Variants in ZCWPW2 observed in about 807,000 individuals in gnomAD.
ZCWPW2 encodes zinc finger CW-type PWWP domain protein 2.
Under a neutral mutation model 46.6 loss-of-function variants are expected in ZCWPW2, and 45 were observed. That is an observed-to-expected ratio of 0.96 (90% CI 0.76 to 1.24). ZCWPW2 has a LOEUF of 1.24. Ranked by LOEUF, ZCWPW2 falls within the 50% of genes most tolerant of loss-of-function variation. ZCWPW2 has a pLI of 0.00. For synonymous variants in ZCWPW2, 152 were observed against 137.1 expected, an observed-to-expected ratio of 1.11 and a Z score of -0.76; for missense variants, 429 against 403.9, an observed-to-expected ratio of 1.06 and a Z score of -0.53.
At chr3:28,488,325 C>A (rs1265570519) in intron 5 of ZCWPW2, among the ~76,000 whole-genome samples, 2 of 152,152 alleles carry the variant, frequency 1.3e-5, no homozygotes, top group African/African-American at 2.4e-5. Context: ...CCTGTGACCC[C>A]ACTTCTCCAA....
At chr3:28,397,653 G>GA (rs1695758413) in intron 2 of ZCWPW2, among the ~76,000 whole-genome samples, 1 of 152,112 alleles carries the variant, frequency 6.6e-6, no homozygotes, top group African/African-American at 2.4e-5. Flanking sequence ...CTGGGTGACA[G>GA]AATGAGACTT....
At chr3:28,402,615 G>T (rs1004721161) in intron 2 of ZCWPW2, among the ~76,000 whole-genome samples, 5 of 152,088 alleles carry the variant, frequency 3.3e-5, no homozygotes, top group African/African-American at 1.2e-4. Flanking sequence ...GAAAACTACA[G>T]ACCGATATTC....
chr3:28,505,255 A>G (rs925842360), intron 6 of ZCWPW2, among the ~76,000 whole-genome samples: 1 of 152,154 alleles, frequency 6.6e-6, no homozygotes, highest in Non-Finnish European at 1.5e-5. Flanking sequence ...AAACTTACAC[A>G]TGGCTGAAGA....
chr3:28,466,800 A>G (rs1349248634), intron 4 of ZCWPW2, among the ~76,000 whole-genome samples: 5 of 152,066 alleles, frequency 3.3e-5, no homozygotes, highest in African/African-American at 1.2e-4. Flanking sequence ...TCTGTCTCAA[A>G]ATAAAAATAA....
At chr3:28,460,209 A>G (rs1158807214) in intron 4 of ZCWPW2, among the ~76,000 whole-genome samples, 1 of 149,106 alleles carries the variant, frequency 6.7e-6, no homozygotes, top group Non-Finnish European at 1.5e-5. Flanking sequence ...TCTTGGCATT[A>G]TCTGTCAATC....
rs140186480 is a variant in ZCWPW2, at chr3:28,488,334, A to G, written c.611-3793A>G. ...GTTTGCCCTGTGACCCCACTTCTCC[A>G]AAGGATCTAAGAAGAGTTGTTCATT... On this transcript the variant is annotated intron_variant, in intron 5 of 9. Coordinates refer to ENST00000383768, the MANE Select transcript of ZCWPW2 (RefSeq NM_001040432.4). Among the ~76,000 whole-genome samples, 433 of 152,250 alleles carry G rather than the reference A, an allele frequency of 2.8e-3. 2 individuals are homozygous for G. The highest frequency in any genetic ancestry group is 9.7e-3 in the African/African-American group (401 of 41,538).
intron 1 of ZCWPW2, among the ~76,000 whole-genome samples, chr3:28,379,374 AAGAC>A (rs1318383949): frequency 6.6e-6 from 1 of 152,182 alleles, no homozygotes; most frequent in Non-Finnish European, 1.5e-5. Flanking sequence ...ATACATTAAA[AAGAC>A]AGCCTTAAAC....
At chr3:28,381,047 GGTGTATATA>G (rs1695082236) in intron 1 of ZCWPW2, among the ~76,000 whole-genome samples, 1 of 6,254 alleles carries the variant, frequency 1.6e-4, no homozygotes, top group African/African-American at 4.5e-4. Context: ...ATATATATTT[GGTGTATATA>G]TATATATATA....
intron 1 of ZCWPW2, among the ~76,000 whole-genome samples, chr3:28,366,223 GT>G (rs1705114988): frequency 7.6e-6 from 1 of 131,814 alleles, no homozygotes; most frequent in Non-Finnish European, 1.6e-5. Flanking sequence ...TCTTGTGCCA[GT>G]TTTCACAGGG....
chr3:28,441,232 T>C (rs1575138839), intron 4 of ZCWPW2, among the ~76,000 whole-genome samples: 1 of 152,348 alleles, frequency 6.6e-6, no homozygotes. Flanking sequence ...ACAAATATCT[T>C]CACCGTTTTT....
intron 9 of ZCWPW2, among the ~76,000 whole-genome samples, chr3:28,523,466 C>T (rs1436138901): frequency 6.6e-6 from 1 of 152,024 alleles, no homozygotes; most frequent in Non-Finnish European, 1.5e-5. Context: ...CCACTTAAAG[C>T]TGGAGATGTG....
chr3:28,447,309 G>C (rs1429555691), intron 4 of ZCWPW2, among the ~76,000 whole-genome samples: 2 of 151,940 alleles, frequency 1.3e-5, no homozygotes, highest in Non-Finnish European at 2.9e-5. Context: ...TATACACTAT[G>C]GCCAAATAGG....
intron 2 of ZCWPW2, among the ~76,000 whole-genome samples, chr3:28,395,617 C>A (rs931779610): frequency 6.6e-6 from 1 of 151,988 alleles, no homozygotes; most frequent in Non-Finnish European, 1.5e-5. Flanking sequence ...GCTGAGTAAG[C>A]CTGGGGTACA....
chr3:28,349,046 G>A lies in ZCWPW2; in HGVS notation c.-291G>A, dbSNP rs9844143. On this transcript the variant is annotated 5_prime_UTR_variant, in exon 1 of 10. Transcript: ENST00000383768. ...GACGCGCGAGGAAACCGGAAGTCAG[G>A]CCCGAGGGAGCTGGGAGGGCGTTAG... 10,989 of 986,204 alleles carry A rather than the reference G, an allele frequency of 0.011. 810 individuals are homozygous for A. In the African/African-American group the frequency reaches 0.16, roughly 15 times the overall value. 61.1% of individuals were successfully genotyped at this position (986,204 alleles called of 1,614,324 possible). A position where few individuals can be genotyped will look rare whatever the true frequency, so the allele number is the denominator to read the frequency against.
chr3:28,442,325 G>C lies in ZCWPW2; in HGVS notation c.492+7056G>C, dbSNP rs141043668. ...GCTGGACTCCTAGAAATTTTGCTGA[G>C]GTAGAAGTTCCCTGAATTTTAATTG... On this transcript the variant is annotated intron_variant, in intron 4 of 9. Coordinates refer to ENST00000383768, the MANE Select transcript of ZCWPW2 (RefSeq NM_001040432.4). Among the ~76,000 whole-genome samples, 10 of 152,292 alleles carry C rather than the reference G, an allele frequency of 6.6e-5. No homozygotes were observed. The East Asian group carries it at 1.7e-3, about 26-fold the overall frequency.
chr3:28,365,909 A>G (rs551159768), intron 1 of ZCWPW2, among the ~76,000 whole-genome samples: 7 of 141,326 alleles, frequency 5.0e-5, no homozygotes, highest in Middle Eastern at 3.5e-3. Context: ...CTTTGAAGCA[A>G]TTGTGAATGG....
chr3:28,375,047 C>T (rs923996834), intron 1 of ZCWPW2, among the ~76,000 whole-genome samples: 2 of 151,800 alleles, frequency 1.3e-5, no homozygotes, highest in Non-Finnish European at 2.9e-5. Flanking sequence ...TTGCTGAATC[C>T]TCTTGCTGAA....
At chr3:28,513,164 A>G (rs1161200732) in intron 6 of ZCWPW2, among the ~76,000 whole-genome samples, 1 of 152,288 alleles carries the variant, frequency 6.6e-6, no homozygotes, top group Non-Finnish European at 1.5e-5. Context: ...CAGTGCAAAT[A>G]TAATTATTTT....
intron 6 of ZCWPW2, among the ~76,000 whole-genome samples, chr3:28,499,993 T>C (rs1261221108): frequency 6.6e-6 from 1 of 152,108 alleles, no homozygotes; most frequent in Non-Finnish European, 1.5e-5. Context: ...ACTGCTCTTT[T>C]ATTAATATAA....
Sources: allele counts gnomAD v4.1 joint callset (sites outside exome capture counted in the v4.1 genomes callset), GRCh38; gene constraint gnomAD v4.1.1; transcripts MANE v1.5; gene names NCBI Gene and HGNC (gene_info 2026-07-23, HGNC 2026-07-21).